BICRA: variants seen among roughly 807,000 people sequenced by gnomAD.
BICRA encodes the protein BRD4-interacting chromatin-remodeling complex-associated protein.
A neutral mutation model predicts 96.9 loss-of-function variants in BICRA; 31 were observed. The observed-to-expected ratio is 0.32, with a 90% CI of 0.24 to 0.43. The LOEUF (loss-of-function observed/expected upper bound fraction) is 0.43. Among genes scored for constraint, BICRA ranks in the 20% least tolerant of loss-of-function variants. The pLI is 1.00. For missense variants in BICRA, 2,283 were observed against 2,190.3 expected, an observed-to-expected ratio of 1.04 and a Z score of -0.84; for synonymous variants, 1,350 against 1,071.8, an observed-to-expected ratio of 1.26 and a Z score of -5.07.
At chr19:47,643,508 C>CGGGGCTGCTCACGGT (rs939901938) in intron 1 of BICRA, among the ~76,000 whole-genome samples, 1 of 152,112 alleles carries the variant, frequency 6.6e-6, no homozygotes, top group Non-Finnish European at 1.5e-5. Context: ...CTTCTCACGG[C>CGGGGCTGCTCACGGT]GGGGCTGCTC....
chr19:47,702,067 G>A lies in BICRA; in HGVS notation c.4335G>A (p.Lys1445=), dbSNP rs1474077113. 11 of 1,510,512 alleles carry A rather than the reference G, an allele frequency of 7.3e-6. No individual in the cohort carries two copies. In the Middle Eastern group the frequency reaches 6.1e-4, roughly 84 times the overall value. The allele number at this position is 1,510,512 out of a possible 1,614,324, so 93.6% of individuals were successfully genotyped here. The change falls in exon 15 of 15, where the codon AAG becomes AAA. Residue 1445 remains lysine (K), a synonymous_variant. Transcript: ENST00000594866. ...ACGAGCTGTACCAGCGTATGCTGAA[G>A]GGCCCCCCGCCAGAGCCCGCAGCCA... The part of the protein sequence containing the change: ...VEDELYQRML[K]GPPPEPAASA...
chr19:47,630,548 A>G (rs1972207356), intron 1 of BICRA, among the ~76,000 whole-genome samples: 2 of 152,110 alleles, frequency 1.3e-5, no homozygotes, highest in African/African-American at 2.4e-5. Flanking sequence ...TTCACTTTAC[A>G]TGTCTTCATG....
chr19:47,611,790 C>G (rs1971910929), intron 1 of BICRA, among the ~76,000 whole-genome samples: 1 of 152,010 alleles, frequency 6.6e-6, no homozygotes. Context: ...AAGTATTATC[C>G]AAACGTGTCA....
chr19:47,621,898 T>G (rs1972070069), intron 1 of BICRA, among the ~76,000 whole-genome samples: 1 of 152,062 alleles, frequency 6.6e-6, no homozygotes, highest in Non-Finnish European at 1.5e-5. Context: ...TTCAAGCAAT[T>G]CTCCTGCCTT....
chr19:47,611,907 G>A (rs1346339387), intron 1 of BICRA, among the ~76,000 whole-genome samples: 1 of 150,708 alleles, frequency 6.6e-6, no homozygotes, highest in Admixed American at 6.6e-5. Context: ...GTCTCGCTGT[G>A]TTGCCCAGGC....
At chr19:47,664,219 G>A (rs1005787919) in intron 1 of BICRA, among the ~76,000 whole-genome samples, 1 of 152,262 alleles carries the variant, frequency 6.6e-6, no homozygotes, top group Non-Finnish European at 1.5e-5. Context: ...ATTAAAATTC[G>A]CCTGTTTGTG....
intron 11 of BICRA, among the ~76,000 whole-genome samples, chr19:47,696,995 T>C (rs1000679457): frequency 1.1e-5 from 1 of 88,290 alleles, no homozygotes; most frequent in African/African-American, 3.8e-5. Context: ...ACCACCAGGG[T>C]TTTTTGTTTT....
intron 1 of BICRA, among the ~76,000 whole-genome samples, chr19:47,632,159 C>T (rs2123523794): frequency 1.3e-5 from 2 of 152,296 alleles, no homozygotes; most frequent in South Asian, 4.1e-4. Flanking sequence ...CCTTGGGTTG[C>T]TTATGCAAGA....
chr19:47,638,613 TCA>T (rs34512769), intron 1 of BICRA, among the ~76,000 whole-genome samples: 103 of 149,718 alleles, frequency 6.9e-4, no homozygotes, highest in East Asian at 4.5e-3. Flanking sequence ...TCTCTCTCTG[TCA>T]CACACACACA....
intron 7 of BICRA, among the ~76,000 whole-genome samples, chr19:47,693,824 A>C (rs1464423581): frequency 6.6e-6 from 1 of 152,118 alleles, no homozygotes; most frequent in Non-Finnish European, 1.5e-5. Flanking sequence ...TGTCTGGGGA[A>C]CTGCGAGGGG....
intron 1 of BICRA, among the ~76,000 whole-genome samples, chr19:47,640,261 A>G (rs1394811142): frequency 6.6e-6 from 1 of 152,160 alleles, no homozygotes; most frequent in Non-Finnish European, 1.5e-5. Flanking sequence ...GCTGGGCACA[A>G]TGGCTCACGC....
At chr19:47,612,522 C>T (rs1482551168) in intron 1 of BICRA, among the ~76,000 whole-genome samples, 2 of 149,274 alleles carry the variant, frequency 1.3e-5, no homozygotes, top group African/African-American at 5.0e-5. Flanking sequence ...CGAACAATTC[C>T]CCTTCAGTGA....
chr19:47,681,105 G>A lies in BICRA; in HGVS notation c.1935G>A (p.Gln645=), dbSNP rs1420139437. The change falls in exon 6 of 15, where the codon CAG becomes CAA. Residue 645 remains glutamine, a synonymous_variant. Coordinates refer to ENST00000594866, the MANE Select transcript of BICRA (RefSeq NM_001394372.1). ...LPLGLQQPQA[Q]QPPQAPTPQA... is the part of the protein sequence containing the mutation. ...TGGGCCTCCAGCAGCCGCAGGCGCA[G>A]CAGCCCCCGCAGGCCCCCACCCCAC... The A allele has an allele frequency of 6.8e-7, 1 of 1,465,126 alleles. No individual in the cohort carries two copies. Among genetic ancestry groups the A allele is most frequent in the Admixed American group, 2.2e-5 (1 of 44,916 alleles). 90.8% of individuals were successfully genotyped at this position (1,465,126 alleles called of 1,614,324 possible).
intron 7 of BICRA, among the ~76,000 whole-genome samples, chr19:47,685,744 T>TGTGG (rs1356994094): frequency 2.1e-5 from 2 of 96,744 alleles, no homozygotes; most frequent in African/African-American, 8.4e-5. Flanking sequence ...GCAGCCTCTG[T>TGTGG]GTGTGTGTGT....
At chr19:47,700,511 G>A (rs1030396412) in intron 14 of BICRA, 6 of 152,202 alleles carry the variant, frequency 3.9e-5, no homozygotes, top group Admixed American at 3.9e-4. Flanking sequence ...ATAACCTCAT[G>A]TAGCCGGGTG....
chr19:47,701,843 C>T lies in BICRA; in HGVS notation c.4111C>T (p.Pro1371Ser), dbSNP rs926189592. 11 of 1,518,440 alleles carry T rather than the reference C, an allele frequency of 7.2e-6. No individual in the cohort carries two copies. The highest frequency in any genetic ancestry group is 1.2e-5 in the South Asian group (1 of 82,914). 94.1% of individuals were successfully genotyped at this position (1,518,440 alleles called of 1,614,324 possible). Residue 1371 changes from proline (P) to serine (S), a missense_variant, in exon 15 of 15, where the codon CCC (proline) becomes TCC (serine). Transcript: ENST00000594866. This position sits in a 1 kb window ranked among gnomAD's most constrained non-coding sequence, Gnocchi z 5.4. ...GTVDHPPPAA[P>S]ERKPLGTAPH... is the part of the protein sequence containing the mutation. ...GGTGGACCACCCGCCGCCTGCCGCC[C>T]CCGAGCGCAAGCCCCTGGGCACCGC...
rs745734959 is a variant in BICRA at position 47,681,216 on chromosome 19, G to A, written c.2046G>A (p.Pro682=). Residue 682 remains proline (P), a synonymous_variant, in exon 6 of 15, where the codon CCG becomes CCA. Coordinates refer to ENST00000594866, the MANE Select transcript of BICRA (RefSeq NM_001394372.1). ...SSPEKIVLGQ[P]PSATPTAILT... ...CGGAGAAGATCGTCCTGGGGCAGCCGCCCTCTGCCACCCCCACGGCCATCC... is the reference window on the plus strand; with the variant it reads ...CGGAGAAGATCGTCCTGGGGCAGCCACCCTCTGCCACCCCCACGGCCATCC... 1.0e-5 allele frequency: 16 copies of A among 1,534,386 alleles called. No individual in the cohort carries two copies. Among genetic ancestry groups the A allele is most frequent in the African/African-American group, 2.7e-5 (2 of 73,108 alleles).
At chr19:47,632,843 A>G (rs1455903287) in intron 1 of BICRA, among the ~76,000 whole-genome samples, 1 of 152,066 alleles carries the variant, frequency 6.6e-6, no homozygotes, top group African/African-American at 2.4e-5. Context: ...CCTGTGTCAG[A>G]AGAACTTGGG....
rs1973444566 is a variant in BICRA at position 47,701,520 on chromosome 19, G to A, written c.3788G>A (p.Arg1263Gln). The A allele has an allele frequency of 3.2e-6, 5 of 1,548,004 alleles. No homozygotes were observed. Among genetic ancestry groups the A allele is most frequent in the Non-Finnish European group, 4.4e-6 (5 of 1,146,886 alleles). ...GGCTCCCCTTCGGTCACCTGGGCCC[G>A]GGCGTCCTCCTCCCTGTCCTCCTCT... Reference protein sequence around the residue: ...AGGSPSVTWARASSSLSSSSS... With the variant: ...AGGSPSVTWAQASSSLSSSSS... Residue 1263 changes from arginine to glutamine, a missense_variant, in exon 15 of 15, where the codon CGG (arginine) becomes CAG (glutamine). Transcript: ENST00000594866. This position sits in a 1 kb window ranked among gnomAD's most constrained non-coding sequence, Gnocchi z 5.4.
Sources: gnomAD v4.1 joint callset for allele counts (sites outside exome capture counted in the v4.1 genomes callset) on GRCh38, gnomAD v4.1.1 for gene constraint, Gnocchi (gnomAD v3.1) non-coding constraint, MANE v1.5 for transcripts, NCBI Gene and HGNC (gene_info 2026-07-23, HGNC 2026-07-21) for gene names.